Variants in SYT1 observed in about 807,000 individuals in gnomAD.
SYT1 encodes the protein synaptotagmin-1.
Under a neutral mutation model 44.8 loss-of-function variants are expected in SYT1, and 8 were observed. The ratio of observed to expected loss-of-function variants is 0.18; its 90% confidence interval spans 0.10 to 0.32. The LOEUF is 0.32. Among genes scored for constraint, SYT1 ranks in the 10% least tolerant of loss-of-function variants. SYT1 has a pLI of 1.00. For synonymous variants in SYT1, 154 were observed against 188.8 expected (o/e 0.82, Z 1.51); for missense variants, 286 against 509.3 (o/e 0.56, Z 4.22).
At chr12:79,004,456 G>A (rs926520034) in intron 2 of SYT1, among the ~76,000 whole-genome samples, 40 of 151,936 alleles carry the variant, frequency 2.6e-4, no homozygotes, top group Middle Eastern at 3.4e-3. Context: ...TTCTTTAGTT[G>A]CATAAGTAAT....
intron 9 of SYT1, among the ~76,000 whole-genome samples, chr12:79,376,799 C>T (rs1884012169): frequency 6.6e-6 from 1 of 152,138 alleles, no homozygotes; most frequent in African/African-American, 2.4e-5. Context: ...GGGTAAATGG[C>T]CCATTTCATT....
At chr12:79,078,123 C>A (rs1876785127) in intron 3 of SYT1, among the ~76,000 whole-genome samples, 1 of 152,186 alleles carries the variant, frequency 6.6e-6, no homozygotes, top group Admixed American at 6.5e-5. Context: ...TTAAGGTTGC[C>A]TTTTTCCCTT....
At chr12:79,311,532 G>T (rs1444581838) in intron 8 of SYT1, among the ~76,000 whole-genome samples, 1 of 146,084 alleles carries the variant, frequency 6.8e-6, no homozygotes, top group East Asian at 2.0e-4. Context: ...ATACCCAAAG[G>T]ACTATAAATC....
intron 3 of SYT1, among the ~76,000 whole-genome samples, chr12:79,150,885 T>A (rs1051250052): frequency 1.3e-5 from 2 of 152,190 alleles, no homozygotes; most frequent in Non-Finnish European, 2.9e-5. Flanking sequence ...CATTAGCAGT[T>A]CTTGTTTTTT....
At chr12:79,174,879 T>G (rs182661946) in intron 3 of SYT1, among the ~76,000 whole-genome samples, 1 of 152,168 alleles carries the variant, frequency 6.6e-6, no homozygotes, top group East Asian at 1.9e-4. Flanking sequence ...GCCAACACAT[T>G]CTAATGTAGT....
intron 4 of SYT1, among the ~76,000 whole-genome samples, chr12:79,278,937 C>T (rs532791956): frequency 8.6e-5 from 13 of 151,286 alleles, no homozygotes; most frequent in Non-Finnish European, 1.6e-4. Flanking sequence ...AACATATAGC[C>T]CCCCCAAGCC....
At chr12:79,113,721 T>C (rs1879135499) in intron 3 of SYT1, among the ~76,000 whole-genome samples, 1 of 152,064 alleles carries the variant, frequency 6.6e-6, no homozygotes, top group Admixed American at 6.6e-5. Flanking sequence ...AGCAGCATTA[T>C]ATACCAGAGA....
intron 3 of SYT1, among the ~76,000 whole-genome samples, chr12:79,159,987 T>C (rs1483773645): frequency 2.6e-5 from 4 of 152,132 alleles, no homozygotes; most frequent in Middle Eastern, 3.2e-3. Flanking sequence ...AAAATACTTA[T>C]TGAGTGTTGC....
intron 1 of SYT1, among the ~76,000 whole-genome samples, chr12:78,953,201 G>A (rs1379622633): frequency 6.6e-6 from 1 of 152,048 alleles, no homozygotes; most frequent in Non-Finnish European, 1.5e-5. Context: ...TGAGTCTGGA[G>A]AAAGTGGATT....
intron 3 of SYT1, among the ~76,000 whole-genome samples, chr12:79,080,505 T>C (rs1242703608): frequency 6.6e-6 from 1 of 152,144 alleles, no homozygotes; most frequent in East Asian, 1.9e-4. Flanking sequence ...TCCCTAAATC[T>C]GAATCTGAAA....
intron 9 of SYT1, among the ~76,000 whole-genome samples, chr12:79,410,107 G>A (rs1423025648): frequency 3.9e-5 from 6 of 151,968 alleles, no homozygotes; most frequent in Admixed American, 1.3e-4. Flanking sequence ...CATCATCAAG[G>A]TTTGAATCCC....
rs185558971 is a variant in SYT1, at chr12:78,907,540, G to A, written c.-217+42431G>A. Among the ~76,000 whole-genome samples, 3 of 152,076 alleles carry A rather than the reference G, an allele frequency of 2.0e-5. No homozygotes were observed. The East Asian group carries it at 5.8e-4, about 29-fold the overall frequency. ...AGCAAAGCAAAATGATTACGTTTCG[G>A]TAATGATTCTTAGAGATTTACATCG... is the stretch of plus-strand genomic sequence containing the variant. On this transcript the variant is annotated intron_variant, in intron 1 of 10. Transcript: ENST00000261205.
chr12:78,931,405 GAGGA>G (rs149496899), intron 1 of SYT1, among the ~76,000 whole-genome samples: 4,585 of 92,074 alleles, frequency 0.05, 286 homozygotes, highest in African/African-American at 0.09. Context: ...AGGGAGGAGA[GAGGA>G]AGGAAGGAAG....
intron 4 of SYT1, among the ~76,000 whole-genome samples, chr12:79,246,157 T>C (rs112987886): frequency 0.01 from 1,545 of 152,316 alleles, 28 homozygotes; most frequent in African/African-American, 0.035. Flanking sequence ...AAAGTCTTAA[T>C]GAAGAACAGA....
At chr12:79,026,906 A>T (rs993831729) in intron 2 of SYT1, among the ~76,000 whole-genome samples, 10 of 151,314 alleles carry the variant, frequency 6.6e-5, no homozygotes, top group African/African-American at 2.4e-4. Flanking sequence ...AAGCGATAAC[A>T]AGTGTTGGAA....
chr12:79,145,737 GTTTT>G (rs200045050), intron 3 of SYT1, among the ~76,000 whole-genome samples: 59 of 129,292 alleles, frequency 4.6e-4, no homozygotes, highest in African/African-American at 7.4e-4. Flanking sequence ...AAACATAGTG[GTTTT>G]TTTTTTTTTT....
At chr12:79,163,822 A>G in intron 3 of SYT1, among the ~76,000 whole-genome samples, 1 of 152,082 alleles carries the variant, frequency 6.6e-6, no homozygotes, top group East Asian at 1.9e-4. Context: ...ATAGTCCACT[A>G]CTAAGTCTAT....
intron 3 of SYT1, among the ~76,000 whole-genome samples, chr12:79,166,124 G>C (rs1307531971): frequency 1.3e-5 from 2 of 151,896 alleles, no homozygotes; most frequent in African/African-American, 4.8e-5. Flanking sequence ...TATAAAATTT[G>C]TTTTTACCTT....
chr12:79,260,703 A>G (rs1371812876), intron 4 of SYT1, among the ~76,000 whole-genome samples: 1 of 152,192 alleles, frequency 6.6e-6, no homozygotes, highest in Non-Finnish European at 1.5e-5. Context: ...AGTAATAAAA[A>G]TCTATTCAAA....
Sources: gnomAD v4.1 joint callset for allele counts (sites outside exome capture counted in the v4.1 genomes callset) on GRCh38, gnomAD v4.1.1 for gene constraint, MANE v1.5 for transcripts, NCBI Gene and HGNC (gene_info 2026-07-23, HGNC 2026-07-21) for gene names.